CNTNAP2: variants seen among roughly 807,000 people sequenced by gnomAD.
CNTNAP2 encodes the protein contactin-associated protein-like 2.
In CNTNAP2, 98 loss-of-function variants were observed where a neutral mutation model predicts 155.2. The observed-to-expected ratio is 0.63, with a 90% CI of 0.54 to 0.75. The LOEUF (loss-of-function observed/expected upper bound fraction) is 0.75. Among genes scored for constraint, CNTNAP2 ranks in the 30% least tolerant of loss-of-function variants. CNTNAP2 has a pLI of 0.00. For synonymous variants in CNTNAP2, 651 were observed against 631.2 expected (o/e 1.03, Z -0.47); for missense variants, 1,727 against 1,688.1 (o/e 1.02, Z -0.40).
At chr7:147,764,100 T>C (rs552001911) in intron 13 of CNTNAP2, among the ~76,000 whole-genome samples, 1 of 152,172 alleles carries the variant, frequency 6.6e-6, no homozygotes, top group Non-Finnish European at 1.5e-5. Flanking sequence ...TGTTCTCAAA[T>C]CTCTATCTCG....
chr7:148,271,025 T>C (rs1240036464), intron 21 of CNTNAP2, among the ~76,000 whole-genome samples: 4 of 152,200 alleles, frequency 2.6e-5, no homozygotes, highest in Admixed American at 1.3e-4. Flanking sequence ...CAAAAAATAC[T>C]TGTGGAGTAA....
intron 1 of CNTNAP2, among the ~76,000 whole-genome samples, chr7:146,690,951 A>G (rs2129171554): frequency 6.6e-6 from 1 of 152,256 alleles, no homozygotes; most frequent in South Asian, 2.1e-4. Flanking sequence ...CCTAAAGTGA[A>G]TGTGCAGTCA....
At chr7:146,252,552 A>G in intron 1 of CNTNAP2, among the ~76,000 whole-genome samples, 1 of 152,206 alleles carries the variant, frequency 6.6e-6, no homozygotes, top group Non-Finnish European at 1.5e-5. Context: ...GAAAATAGAG[A>G]GAGGATGGGA....
chr7:147,298,332 G>A (rs1794875909), intron 8 of CNTNAP2, among the ~76,000 whole-genome samples: 1 of 152,018 alleles, frequency 6.6e-6, no homozygotes, highest in African/African-American at 2.4e-5. Context: ...GCTGAGGTGG[G>A]AGAATCACTT....
intron 1 of CNTNAP2, among the ~76,000 whole-genome samples, chr7:146,345,761 T>C (rs950445111): frequency 6.6e-6 from 1 of 152,102 alleles, no homozygotes; most frequent in African/African-American, 2.4e-5. Context: ...CAAAAGAAAA[T>C]GGTATTTTGC....
At chr7:147,254,112 C>A (rs914981328) in intron 8 of CNTNAP2, among the ~76,000 whole-genome samples, 1 of 152,156 alleles carries the variant, frequency 6.6e-6, no homozygotes, top group African/African-American at 2.4e-5. Flanking sequence ...TTCCCTCCAC[C>A]CCCAACTCCA....
chr7:146,151,670 ATATATATATATGTATATATATATATATG>A (rs1456566847), intron 1 of CNTNAP2, among the ~76,000 whole-genome samples: 1 of 37,898 alleles, frequency 2.6e-5, no homozygotes, highest in East Asian at 6.0e-4. Context: ...ATATATATAT[ATATATATATATGTATATATATATATATG>A]TATATATATA....
At chr7:147,358,057 A>G (rs1796092171) in intron 9 of CNTNAP2, among the ~76,000 whole-genome samples, 1 of 152,168 alleles carries the variant, frequency 6.6e-6, no homozygotes, top group African/African-American at 2.4e-5. Flanking sequence ...TTGGATACTA[A>G]AAACTTTCTT....
At chr7:146,527,753 G>A (rs1041163106) in intron 1 of CNTNAP2, among the ~76,000 whole-genome samples, 2 of 151,830 alleles carry the variant, frequency 1.3e-5, no homozygotes, top group East Asian at 1.9e-4. Flanking sequence ...TACAATATTC[G>A]ACAAGTGGAT....
At chr7:146,638,770 C>T (rs1799652462) in intron 1 of CNTNAP2, among the ~76,000 whole-genome samples, 1 of 151,988 alleles carries the variant, frequency 6.6e-6, no homozygotes, top group South Asian at 2.1e-4. Context: ...CAGGCTTGAG[C>T]CACCGCGCCC....
chr7:146,844,576 A>G (rs1203637372), intron 3 of CNTNAP2, among the ~76,000 whole-genome samples: 1 of 152,248 alleles, frequency 6.6e-6, no homozygotes, highest in East Asian at 1.9e-4. Context: ...ATTATATTAA[A>G]TAAGAATTCC....
chr7:146,400,326 A>G (rs1795696171), intron 1 of CNTNAP2, among the ~76,000 whole-genome samples: 3 of 151,980 alleles, frequency 2.0e-5, no homozygotes, highest in Admixed American at 2.0e-4. Context: ...TTGAATTACC[A>G]TTTTCTTCCC....
In CNTNAP2 at chr7:148,334,243, T is replaced by G. The variant is rs1056086755; in HGVS notation, c.3476-49406T>G. On this transcript the variant is annotated intron_variant, in intron 21 of 23. Coordinates refer to ENST00000361727, the MANE Select transcript of CNTNAP2 (RefSeq NM_014141.6). Reference sequence around the variant, plus strand: ...GAAGGTTTTGGGTTCGAGGAGGCTGTTTTCATGAGGGATCCCAGGGTCTCT... The same window carrying G: ...GAAGGTTTTGGGTTCGAGGAGGCTGGTTTCATGAGGGATCCCAGGGTCTCT... Among the ~76,000 whole-genome samples the G allele has an allele frequency of 1.2e-4, 19 of 152,200 alleles. No individual in the cohort carries two copies. The East Asian group carries it at 3.3e-3, about 26-fold the overall frequency.
At chr7:146,899,798 C>A (rs1236165518) in intron 3 of CNTNAP2, among the ~76,000 whole-genome samples, 1 of 152,182 alleles carries the variant, frequency 6.6e-6, no homozygotes, top group Admixed American at 6.5e-5. Context: ...CTCAAGGAAT[C>A]TTTGTCAGAA....
At chr7:148,244,543 G>A (rs1796220009) in intron 20 of CNTNAP2, among the ~76,000 whole-genome samples, 1 of 148,418 alleles carries the variant, frequency 6.7e-6, no homozygotes, top group Non-Finnish European at 1.5e-5. Flanking sequence ...CCTTTTTGGG[G>A]GTTTTGTGTG....
chr7:147,583,148 C>CT lies in CNTNAP2; in HGVS notation c.1897+20892dup, dbSNP rs1219758341. ...AAACTCAGTAGACTGATGTATACAACTAAAAAGCCAATTAATTTAATTTAT... is the reference window on the plus strand; with the variant it reads ...AAACTCAGTAGACTGATGTATACAACTTAAAAAGCCAATTAATTTAATTTAT... On this transcript the variant is annotated intron_variant, in intron 12 of 23. Coordinates refer to ENST00000361727, the MANE Select transcript of CNTNAP2 (RefSeq NM_014141.6). Among the ~76,000 whole-genome samples the CT allele has an allele frequency of 2.0e-5, 3 of 152,016 alleles. No homozygotes were observed. In the East Asian group the frequency reaches 5.8e-4, roughly 29 times the overall value.
intron 1 of CNTNAP2, among the ~76,000 whole-genome samples, chr7:146,715,101 C>G (rs903785253): frequency 6.6e-6 from 1 of 152,050 alleles, no homozygotes; most frequent in African/African-American, 2.4e-5. Context: ...GAGACTGAGG[C>G]GGGCAGTTCA....
At chr7:146,410,733 T>G (rs1031073836) in intron 1 of CNTNAP2, among the ~76,000 whole-genome samples, 5 of 152,288 alleles carry the variant, frequency 3.3e-5, no homozygotes, top group East Asian at 1.9e-4. Context: ...TTTTTATCTT[T>G]GTGAAATTTT....
At chr7:146,518,718 C>A (rs1797575759) in intron 1 of CNTNAP2, among the ~76,000 whole-genome samples, 1 of 151,764 alleles carries the variant, frequency 6.6e-6, no homozygotes, top group Non-Finnish European at 1.5e-5. Flanking sequence ...GCATGCAACT[C>A]AAATGGAATG....
Sources: gnomAD v4.1 joint callset for allele counts (sites outside exome capture counted in the v4.1 genomes callset) on GRCh38, gnomAD v4.1.1 for gene constraint, MANE v1.5 for transcripts, NCBI Gene and HGNC (gene_info 2026-07-23, HGNC 2026-07-21) for gene names.